Variants in KDM6B observed in about 807,000 individuals in gnomAD.
KDM6B encodes the protein lysine demethylase 6B.
KDM6B carries 22 observed loss-of-function variants against 150.4 expected under a neutral mutation model. The observed-to-expected ratio is 0.15, with a 90% CI of 0.10 to 0.21. The LOEUF is 0.21. Ranked by LOEUF, KDM6B falls within the 10% of genes least tolerant of loss-of-function variation. The probability of loss-of-function intolerance (pLI) is 1.00; values close to 1 mark genes in which losing one functional copy is unlikely to be tolerated. For missense variants in KDM6B, 1,984 were observed against 2,234.3 expected, an observed-to-expected ratio of 0.89 and a Z score of 2.26; for synonymous variants, 1,148 against 921.1, an observed-to-expected ratio of 1.25 and a Z score of -4.46.
chr17:7,849,047 C>T lies in KDM6B; in HGVS notation c.2759C>T (p.Ala920Val). ...ESEVLEEISR[A>V]CETLVERVGR... Reference sequence around the variant, plus strand: ...GAGGTGCTAGAAGAGATCAGCCGGGCTTGCGAGACCCTTGTGGAGCGGGTG... The same window carrying T: ...GAGGTGCTAGAAGAGATCAGCCGGGTTTGCGAGACCCTTGTGGAGCGGGTG... Residue 920 changes from alanine (A) to valine (V), a missense_variant, in exon 12 of 24, where the codon GCT becomes GTT. Transcript: ENST00000448097. The T allele has an allele frequency of 6.2e-7, 1 of 1,603,816 alleles. No individual in the cohort carries two copies. Among genetic ancestry groups the T allele is most frequent in the South Asian group, 1.1e-5 (1 of 90,842 alleles).
At position 7,843,165 on chromosome 17, in the gene KDM6B, C is replaced by T. The variant is rs569468745; in HGVS notation, c.-268-1736C>T. Among the ~76,000 whole-genome samples, 1 of 152,204 alleles carries T rather than the reference C, an allele frequency of 6.6e-6. No individual in the cohort carries two copies. The highest frequency in any genetic ancestry group is 1.9e-4 in the East Asian group (1 of 5,166). ...GGAAGCTGCCTTTCCTGGTAACTGG[C>T]GGCGCTCTCGGGACCACTTCCCAAG... On this transcript the variant is annotated intron_variant, in intron 2 of 23. Coordinates refer to ENST00000448097, the MANE Select transcript of KDM6B (RefSeq NM_001348716.2). The surrounding 1 kb of genome is among the most constrained non-coding windows in gnomAD (Gnocchi z 4.5).
rs780308991 is a variant in KDM6B, at chr17:7,846,922, C to T, written c.815C>T (p.Pro272Leu). ...CCCCTGCCTGGCCTGGCTACCAGCC[C>T]CCCATTTCAGCTAACCAAGCCAGGG... The part of the protein sequence containing the change: ...PPPLPGLATS[P>L]PFQLTKPGLW... The change falls in exon 10 of 24, where the codon CCC (proline) becomes CTC (leucine). Residue 272 changes from proline (P) to leucine (L), a missense_variant. By Grantham distance (98) the Pro-to-Leu change is moderately conservative. Transcript: ENST00000448097. The T allele has an allele frequency of 3.2e-6, 5 of 1,567,882 alleles. No individual in the cohort carries two copies. The highest frequency in any genetic ancestry group is 4.3e-6 in the Non-Finnish European group (5 of 1,152,406).
At position 7,850,191 on chromosome 17, in the gene KDM6B, G is replaced by A. The variant is rs776827380; in HGVS notation, c.3673+14G>A. On this transcript the variant is annotated intron_variant, in intron 14 of 23. Coordinates refer to ENST00000448097, the MANE Select transcript of KDM6B (RefSeq NM_001348716.2). The stretch of plus-strand genomic sequence containing the variant: ...CCCTGCGGCTCAGTGAGTATGGGGG[G>A]CAGAAAGTGTTAGGGAGGGCTACAA... 2 of 1,605,412 alleles carry A rather than the reference G, an allele frequency of 1.2e-6. No individual in the cohort carries two copies. The highest frequency in any genetic ancestry group is 1.1e-5 in the South Asian group (1 of 90,848).
Position 7,848,675 on chromosome 17 carries a change from C to A in KDM6B, c.2387C>A (p.Pro796Gln), listed in dbSNP as rs1417350303. Residue 796 changes from proline to glutamine, a missense_variant, in exon 12 of 24, where the codon CCA becomes CAA. Pro to Gln is a moderately conservative substitution (Grantham distance 76). Coordinates refer to ENST00000448097, the MANE Select transcript of KDM6B (RefSeq NM_001348716.2). ...PPSQPQPPPP[P>Q]PPSPASLLKS... Reference sequence around the variant, plus strand: ...TCTCAGCCACAGCCACCACCACCCCCACCCCCCAGCCCGGCCAGCCTGCTC... The same window carrying A: ...TCTCAGCCACAGCCACCACCACCCCAACCCCCCAGCCCGGCCAGCCTGCTC... The A allele has an allele frequency of 1.9e-6, 3 of 1,610,392 alleles. No homozygotes were observed. Among genetic ancestry groups the A allele is most frequent in the Non-Finnish European group, 2.5e-6 (3 of 1,179,214 alleles).
Position 7,853,491 on chromosome 17 carries a change from C to T in KDM6B, c.4909-7C>T, listed in dbSNP as rs954411684. Reference sequence around the variant, plus strand: ...TCCCTGAGCCCCCGCCGGCTTTCTCCCCCCAGGCCCCAGCCAGCACGTCGC... The same window carrying T: ...TCCCTGAGCCCCCGCCGGCTTTCTCTCCCCAGGCCCCAGCCAGCACGTCGC... On this transcript the variant is annotated splice_region_variant and splice_polypyrimidine_tract_variant and intron_variant, in intron 23 of 23. Coordinates refer to ENST00000448097, the MANE Select transcript of KDM6B (RefSeq NM_001348716.2). 1.2e-4 allele frequency: 184 copies of T among 1,502,832 alleles called. No individual in the cohort carries two copies. The highest frequency in any genetic ancestry group is 1.5e-4 in the Non-Finnish European group (167 of 1,133,336). 93.1% of individuals were successfully genotyped at this position (1,502,832 alleles called of 1,614,324 possible).
At chr17:7,846,765 G>A (rs117985215) in intron 9 of KDM6B, 25 bp downstream of exon 9, 37,091 of 1,613,898 alleles carry the variant, frequency 0.023, 577 homozygotes, top group Middle Eastern at 0.078. Flanking sequence ...GGGCCAGCAG[G>A]CAGTAAGTAG....
chr17:7,853,464 T>C (rs1286829113), intron 23 of KDM6B, 34 bp from the exon 24 acceptor site: 2 of 1,511,006 alleles, frequency 1.3e-6, no homozygotes, highest in Middle Eastern at 2.3e-4. Context: ...CGGCCGCGCC[T>C]TTCCCTGAGC....
intron 7 of KDM6B, 42 bp from the exon 8 acceptor site, chr17:7,846,358 C>T: frequency 6.4e-7 from 1 of 1,563,230 alleles, no homozygotes; most frequent in Non-Finnish European, 8.7e-7. Context: ...GCTCAGTGCC[C>T]CACCTGACAT....
In KDM6B at chr17:7,847,468, G is replaced by A. The variant is rs754820440; in HGVS notation, c.1257+16G>A. The A allele has an allele frequency of 5.6e-6, 9 of 1,613,496 alleles. No individual in the cohort carries two copies. Among genetic ancestry groups the A allele is most frequent in the Non-Finnish European group, 7.6e-6 (9 of 1,179,920 alleles). On this transcript the variant is annotated intron_variant, in intron 11 of 23. Transcript: ENST00000448097. ...CCCAGGCATTGTGAGTGACAACTGA[G>A]GGTGGAGGGGGGGATGGGTGGAGCT...
intron 2 of KDM6B, among the ~76,000 whole-genome samples, chr17:7,842,240 G>A (rs2078432181): frequency 1.3e-5 from 2 of 152,180 alleles, no homozygotes; most frequent in South Asian, 2.1e-4. Context: ...GTAGGGGGTC[G>A]GTTAAAGTCC....
At chr17:7,846,371 G>GGGGCGGGCCCGGGGGCCCCCCCCCC in intron 7 of KDM6B, 29 bp from the exon 8 acceptor site, 2 of 1,488,926 alleles carry the variant, frequency 1.3e-6, no homozygotes, top group Non-Finnish European at 1.8e-6. Context: ...CCTGACATCT[G>GGGGCGGGCCCGGGGGCCCCCCCCCC]CCCCTGCCCC....
At position 7,854,567 on chromosome 17, in the gene KDM6B, C is replaced by A; in HGVS notation, c.*1046C>A. 1 of 154,660 alleles carries A rather than the reference C, an allele frequency of 6.5e-6. No individual in the cohort carries two copies. The highest frequency in any genetic ancestry group is 6.4e-5 in the Admixed American group (1 of 15,580). 9.6% of individuals were successfully genotyped at this position (154,660 alleles called of 1,614,324 possible). On this transcript the variant is annotated 3_prime_UTR_variant, in exon 24 of 24. Coordinates refer to ENST00000448097, the MANE Select transcript of KDM6B (RefSeq NM_001348716.2). Reference sequence around the variant, plus strand: ...GTGAAACAACCCAGGGCCAGGGCCTCACTGGGGCAGGGACACCCCGGGGTG... The same window carrying A: ...GTGAAACAACCCAGGGCCAGGGCCTAACTGGGGCAGGGACACCCCGGGGTG...
Position 7,843,742 on chromosome 17 carries a change from A to C in KDM6B, c.-268-1159A>C, listed in dbSNP as rs1228723617. Among the ~76,000 whole-genome samples, 1 of 150,558 alleles carries C rather than the reference A, an allele frequency of 6.6e-6. No homozygotes were observed. The highest frequency in any genetic ancestry group is 2.4e-5 in the African/African-American group (1 of 40,844). The stretch of plus-strand genomic sequence containing the variant: ...CCTCTCGCTGCTCTTTGTACTCTAG[A>C]CTCTCAATGGACCGATCCCGGGAGC... On this transcript the variant is annotated intron_variant, in intron 2 of 23. Transcript: ENST00000448097. This position sits in a 1 kb window ranked among gnomAD's most constrained non-coding sequence, Gnocchi z 4.5.
chr17:7,847,311 C>T lies in KDM6B; in HGVS notation c.1116C>T (p.Ser372=), dbSNP rs1339438643. 1.9e-6 allele frequency: 3 copies of T among 1,607,528 alleles called. No individual in the cohort carries two copies. In the African/African-American group the frequency reaches 4.0e-5, roughly 21 times the overall value. ...ESRVQRSRMD[S]SVSPAATTAC... is the part of the protein sequence containing the mutation. The stretch of plus-strand genomic sequence containing the variant: ...GAGTTCAGAGGTCGCGGATGGACTC[C>T]AGCGTTTCACCAGCAGCAACCACCG... The change falls in exon 11 of 24, where the codon TCC becomes TCT. Residue 372 remains serine, a synonymous_variant. Coordinates refer to ENST00000448097, the MANE Select transcript of KDM6B (RefSeq NM_001348716.2).
At position 7,852,284 on chromosome 17, in the gene KDM6B, G is replaced by A. The variant is rs530809501; in HGVS notation, c.4416G>A (p.Val1472=). The A allele has an allele frequency of 4.3e-6, 7 of 1,613,918 alleles. No individual in the cohort carries two copies. Among genetic ancestry groups the A allele is most frequent in the Non-Finnish European group, 5.1e-6 (6 of 1,180,044 alleles). The change falls in exon 20 of 24, where the codon GTG becomes GTA. Residue 1472 remains valine, a synonymous_variant. Transcript: ENST00000448097. ...VWINAGTVHW[V]QATGWCNNIA... ...TTAATGCGGGGACTGTGCACTGGGT[G>A]CAGGCCACCGGCTGGTGCAACAACA...
chr17:7,839,350 A>T (rs1400959382), intron 1 of KDM6B, among the ~76,000 whole-genome samples: 2 of 152,056 alleles, frequency 1.3e-5, no homozygotes, highest in Non-Finnish European at 2.9e-5. Flanking sequence ...TTAGGCCCAG[A>T]GTCAGAGTTC....
At chr17:7,850,984 C>T (rs371768126) in intron 14 of KDM6B, 37 bp from the exon 15 acceptor site, 323 of 1,523,856 alleles carry the variant, frequency 2.1e-4, no homozygotes, top group African/African-American at 4.9e-4. Context: ...CTATCCTCTG[C>T]CTCTGCCCCG....
chr17:7,846,772 G>C (rs963425437), intron 9 of KDM6B, 32 bp downstream of exon 9: 21 of 1,613,948 alleles, frequency 1.3e-5, no homozygotes, highest in Non-Finnish European at 1.7e-5. Context: ...CAGGCAGTAA[G>C]TAGGCAGGAC....
Position 7,847,187 on chromosome 17 carries a change from C to G in KDM6B, c.992C>G (p.Pro331Arg). 8.1e-6 allele frequency: 13 copies of G among 1,603,916 alleles called. No individual in the cohort carries two copies. The highest frequency in any genetic ancestry group is 1.0e-5 in the Non-Finnish European group (12 of 1,179,282). Reference sequence around the variant, plus strand: ...CACCCCCCTGGCCACCGGCTGGTCCCGGCTGCTCCCCCAGGCCCAGGCCCC... The same window carrying G: ...CACCCCCCTGGCCACCGGCTGGTCCGGGCTGCTCCCCCAGGCCCAGGCCCC... ...TAHPPGHRLVPAAPPGPGPRP... is the reference protein window; with the variant it reads ...TAHPPGHRLVRAAPPGPGPRP... Residue 331 changes from proline to arginine, a missense_variant, in exon 11 of 24, where the codon CCG becomes CGG. Physicochemically the swap from Pro to Arg is moderately radical, Grantham distance 103 (BLOSUM62 -2). Around this residue, in one of 13 missense-constraint regions of KDM6B, gnomAD observed 1,379 missense variants for 1,275.6 expected, o/e 1.08. Coordinates refer to ENST00000448097, the MANE Select transcript of KDM6B (RefSeq NM_001348716.2).
Sources: gnomAD v4.1 joint callset for allele counts (sites outside exome capture counted in the v4.1 genomes callset) on GRCh38, gnomAD v4.1.1 for gene constraint, gnomAD v4.1.1 regional missense constraint, Gnocchi (gnomAD v3.1) non-coding constraint, MANE v1.5 for transcripts, NCBI Gene and HGNC (gene_info 2026-07-23, HGNC 2026-07-21) for gene names.